DLGAP5: variants seen among roughly 807,000 people sequenced by gnomAD.
DLGAP5 encodes the protein disks large-associated protein 5.
A neutral mutation model predicts 99.6 loss-of-function variants in DLGAP5; 90 were observed. The observed-to-expected ratio is 0.90, with a 90% confidence interval of 0.76 to 1.08. The LOEUF is 1.08. Ranked by LOEUF, DLGAP5 falls within the 50% of genes least tolerant of loss-of-function variation. The pLI is 0.00. For missense variants in DLGAP5, 1,036 were observed against 983.5 expected, an observed-to-expected ratio of 1.05 and a Z score of -0.71; for synonymous variants, 311 against 321.3, an observed-to-expected ratio of 0.97 and a Z score of 0.34.
chr14:55,157,050 C>G (rs1297231924), intron 14 of DLGAP5, among the ~76,000 whole-genome samples: 1 of 152,208 alleles, frequency 6.6e-6, no homozygotes, highest in East Asian at 1.9e-4. Flanking sequence ...TCCAGTAAGA[C>G]TCCAGTAAGT....
intron 14 of DLGAP5, among the ~76,000 whole-genome samples, chr14:55,156,902 T>C (rs77790598): frequency 0.021 from 3,123 of 152,196 alleles, 85 homozygotes; most frequent in African/African-American, 0.071. Flanking sequence ...ATAGCCAGCA[T>C]GAAAGTTGAG....
chr14:55,186,363 A>G (rs1260009213), intron 2 of DLGAP5, among the ~76,000 whole-genome samples: 2 of 152,258 alleles, frequency 1.3e-5, no homozygotes, highest in African/African-American at 2.4e-5. Flanking sequence ...ATTCCTTGTT[A>G]TCTATTACAG....
intron 3 of DLGAP5, among the ~76,000 whole-genome samples, chr14:55,182,876 C>CGACAT (rs1413557341): frequency 2.6e-5 from 4 of 152,088 alleles, no homozygotes; most frequent in Non-Finnish European, 5.9e-5. Context: ...TATCCTAAAT[C>CGACAT]GACATCTTAG....
At chr14:55,157,809 C>G (rs961394055) in intron 14 of DLGAP5, among the ~76,000 whole-genome samples, 2 of 152,238 alleles carry the variant, frequency 1.3e-5, no homozygotes, top group Non-Finnish European at 2.9e-5. Flanking sequence ...GTCACTCAGG[C>G]TAGAGTGCAG....
chr14:55,168,141 T>C (rs986140609), intron 12 of DLGAP5, among the ~76,000 whole-genome samples: 9 of 152,186 alleles, frequency 5.9e-5, no homozygotes, highest in African/African-American at 2.2e-4. Context: ...TCTGTAGAGA[T>C]GGGCTCTCAC....
chr14:55,169,215 G>A (rs1244144953), intron 12 of DLGAP5, among the ~76,000 whole-genome samples, 184 bp downstream of exon 12: 1 of 150,432 alleles, frequency 6.6e-6, no homozygotes, highest in Non-Finnish European at 1.5e-5. Flanking sequence ...GAGAATATAT[G>A]GGAGAAGAGG....
chr14:55,153,015 G>C (rs967444991), intron 15 of DLGAP5, among the ~76,000 whole-genome samples: 2 of 152,160 alleles, frequency 1.3e-5, no homozygotes, highest in African/African-American at 2.4e-5. Context: ...TGTCTAGCTG[G>C]AGTTAGCTAC....
chr14:55,176,079 G>T, intron 8 of DLGAP5, 61 bp from the exon 9 acceptor site: 2 of 1,419,158 alleles, frequency 1.4e-6, no homozygotes, highest in Non-Finnish European at 1.9e-6. Context: ...TAATATAAAG[G>T]GTTTCAAAAT....
At chr14:55,152,123 A>C (rs1882039656) in intron 16 of DLGAP5, among the ~76,000 whole-genome samples, 182 bp from the exon 17 acceptor site, 1 of 152,194 alleles carries the variant, frequency 6.6e-6, no homozygotes, top group Non-Finnish European at 1.5e-5. Context: ...TATTATAGAA[A>C]TAGTATGATT....
chr14:55,163,146 C>A (rs1882507452), intron 12 of DLGAP5, 71 bp from the exon 13 acceptor site: 2 of 872,940 alleles, frequency 2.3e-6, no homozygotes, highest in Non-Finnish European at 3.3e-6. Flanking sequence ...GAGCTGAAGA[C>A]TAAAAAAAAA....
In DLGAP5 at chr14:55,176,029, T is replaced by G; in HGVS notation, c.1050-11A>C. ...GCTTGAGACTCATCACTAAAAACAA[T>G]AGCAAAAATATACTTCATGAAACAT... On this transcript the variant is annotated splice_polypyrimidine_tract_variant and intron_variant, in intron 8 of 18. Transcript: ENST00000247191. 1 of 1,596,018 alleles carries G rather than the reference T, an allele frequency of 6.3e-7. No individual in the cohort carries two copies.
intron 2 of DLGAP5, among the ~76,000 whole-genome samples, chr14:55,188,640 C>A (rs181877307): frequency 6.6e-6 from 1 of 151,906 alleles, no homozygotes; most frequent in Non-Finnish European, 1.5e-5. Context: ...GGGCCAGGCG[C>A]GGTGGCTCAC....
intron 10 of DLGAP5, among the ~76,000 whole-genome samples, chr14:55,172,567 T>C (rs1882898131): frequency 6.6e-6 from 1 of 151,914 alleles, no homozygotes; most frequent in Admixed American, 6.6e-5. Flanking sequence ...AAGGCTGCAG[T>C]GAGCCAAGAG....
chr14:55,153,927 G>C (rs111279339), intron 15 of DLGAP5, among the ~76,000 whole-genome samples: 1 of 151,786 alleles, frequency 6.6e-6, no homozygotes, highest in Non-Finnish European at 1.5e-5. Flanking sequence ...GTGGTGGCGC[G>C]TGTCTGTAGT....
chr14:55,174,062 T>C (rs957445926), intron 10 of DLGAP5, among the ~76,000 whole-genome samples: 2 of 152,140 alleles, frequency 1.3e-5, no homozygotes, highest in African/African-American at 4.8e-5. Flanking sequence ...AGAGCCATAT[T>C]TCTCTTCTTT....
intron 2 of DLGAP5, among the ~76,000 whole-genome samples, chr14:55,185,268 C>T (rs1024600856): frequency 4.6e-5 from 7 of 152,306 alleles, no homozygotes; most frequent in South Asian, 4.1e-4. Flanking sequence ...GGCGTGATCT[C>T]GGCTCAATGC....
In DLGAP5 at chr14:55,163,046, A is replaced by G; in HGVS notation, c.1578T>C (p.Asn526=). The part of the protein sequence containing the change: ...QIEDVIHKFN[N]LIKLEESGWQ... ...ACCCAGATTCCTCAAGTTTGATCAG[A>G]TTGTTGAATTTGTGGATTACATCTT... Residue 526 remains asparagine, a synonymous_variant, in exon 13 of 19, where the codon AAT becomes AAC. Transcript: ENST00000247191. The G allele has an allele frequency of 6.2e-7, 1 of 1,600,024 alleles. No individual in the cohort carries two copies. The highest frequency in any genetic ancestry group is 8.5e-7 in the Non-Finnish European group (1 of 1,173,172).
At position 55,162,958 on chromosome 14, in the gene DLGAP5, C is replaced by A; in HGVS notation, c.1653+13G>T. ...AAAAAAAAAAAAATTGGATATAAAA[C>A]CCACAAACTTACCCTAAAGACATTT... On this transcript the variant is annotated intron_variant, in intron 13 of 18. Coordinates refer to ENST00000247191, the MANE Select transcript of DLGAP5 (RefSeq NM_014750.5). 1 of 1,466,160 alleles carries A rather than the reference C, an allele frequency of 6.8e-7. No homozygotes were observed. The highest frequency in any genetic ancestry group is 1.4e-5 in the African/African-American group (1 of 69,904). 90.8% of individuals were successfully genotyped at this position (1,466,160 alleles called of 1,614,324 possible).
intron 7 of DLGAP5, among the ~76,000 whole-genome samples, chr14:55,177,596 C>G (rs1374995197): frequency 3.3e-5 from 5 of 150,478 alleles, no homozygotes; most frequent in African/African-American, 9.8e-5. Flanking sequence ...GGAGTGCAGT[C>G]GCGCGATCTC....
Sources: allele counts gnomAD v4.1 joint callset (sites outside exome capture counted in the v4.1 genomes callset), GRCh38; gene constraint gnomAD v4.1.1; transcripts MANE v1.5; gene names NCBI Gene and HGNC (gene_info 2026-07-23, HGNC 2026-07-21).